MYO1B: variants seen among roughly 807,000 people sequenced by gnomAD.
MYO1B encodes the protein myosin IB, also known as unconventional myosin-Ib.
A neutral mutation model predicts 159.7 loss-of-function variants in MYO1B; 72 were observed. The ratio of observed to expected loss-of-function variants is 0.45; its 90% CI spans 0.37 to 0.55. MYO1B has a LOEUF of 0.55. Ranked by LOEUF, MYO1B falls within the 20% of genes least tolerant of loss-of-function variation. The pLI is 0.00. For missense variants in MYO1B, 1,062 were observed against 1,364.8 expected (o/e 0.78, Z 3.50); for synonymous variants, 468 against 473.8 (o/e 0.99, Z 0.16).
At chr2:191,337,409 C>A (rs1574459318) in intron 4 of MYO1B, among the ~76,000 whole-genome samples, 2 of 152,154 alleles carry the variant, frequency 1.3e-5, no homozygotes, top group African/African-American at 4.8e-5. Context: ...AAAATCCTCA[C>A]ACATTTAAAC....
chr2:191,286,301 A>G (rs1266552159), intron 2 of MYO1B, among the ~76,000 whole-genome samples: 2 of 152,104 alleles, frequency 1.3e-5, no homozygotes, highest in East Asian at 3.9e-4. Flanking sequence ...AACTATGTCT[A>G]AAAAACAACC....
chr2:191,402,978 T>C (rs1348566243), intron 24 of MYO1B, among the ~76,000 whole-genome samples: 2 of 152,194 alleles, frequency 1.3e-5, no homozygotes, highest in Admixed American at 1.3e-4. Flanking sequence ...GTTATCAAAG[T>C]TCTAGTTTGT....
chr2:191,354,331 TG>T (rs1451270688), intron 7 of MYO1B, among the ~76,000 whole-genome samples: 2 of 150,976 alleles, frequency 1.3e-5, no homozygotes, highest in Non-Finnish European at 1.5e-5. Context: ...GTTGAATGAA[TG>T]AATGATCACA....
At chr2:191,280,243 A>G (rs1361092643) in intron 2 of MYO1B, among the ~76,000 whole-genome samples, 1 of 152,222 alleles carries the variant, frequency 6.6e-6, no homozygotes, top group Non-Finnish European at 1.5e-5. Context: ...GGATAGAGCA[A>G]GGCATTCTGG....
chr2:191,326,770 ATGTG>A (rs35184577), intron 3 of MYO1B, among the ~76,000 whole-genome samples: 7,439 of 137,050 alleles, frequency 0.054, 225 homozygotes, highest in South Asian at 0.094. Context: ...GTTTGTATAT[ATGTG>A]TGTGTGTGTG....
Position 191,411,879 on chromosome 2 carries a change from A to C in MYO1B, c.2873+707A>C, listed in dbSNP as rs1372268898. Among the ~76,000 whole-genome samples the C allele has an allele frequency of 2.6e-5, 4 of 152,340 alleles. 1 individual carries two copies. The South Asian group carries it at 8.3e-4, about 32-fold the overall frequency. On this transcript the variant is annotated intron_variant, in intron 27 of 30. Transcript: ENST00000392318. ...AATCCCATTTTCATCTGGTGTTTATAAAAAAGTAGATTGTACAATTTCAAG... is the reference window on the plus strand; with the variant it reads ...AATCCCATTTTCATCTGGTGTTTATCAAAAAGTAGATTGTACAATTTCAAG...
intron 1 of MYO1B, among the ~76,000 whole-genome samples, chr2:191,250,691 T>A (rs1686056866): frequency 6.6e-6 from 1 of 152,226 alleles, no homozygotes; most frequent in South Asian, 2.1e-4. Context: ...TTCTGTAGGT[T>A]GATTTCCTTC....
intron 30 of MYO1B, among the ~76,000 whole-genome samples, chr2:191,418,058 A>G (rs1377321931): frequency 1.3e-5 from 2 of 152,242 alleles, no homozygotes; most frequent in African/African-American, 2.4e-5. Flanking sequence ...AACATTGGGT[A>G]GCATTATAAT....
chr2:191,265,498 A>G (rs1044936010), intron 1 of MYO1B, among the ~76,000 whole-genome samples: 1 of 152,148 alleles, frequency 6.6e-6, no homozygotes, highest in Non-Finnish European at 1.5e-5. Flanking sequence ...AAGCTGATTC[A>G]TTTGGAAGGG....
intron 11 of MYO1B, among the ~76,000 whole-genome samples, chr2:191,368,680 T>C (rs961677469): frequency 1.3e-5 from 2 of 152,142 alleles, no homozygotes; most frequent in African/African-American, 4.8e-5. Context: ...AATACTCAAG[T>C]GATTAGTGTG....
At chr2:191,327,843 G>A (rs987621088) in intron 3 of MYO1B, among the ~76,000 whole-genome samples, 5 of 152,132 alleles carry the variant, frequency 3.3e-5, no homozygotes, top group East Asian at 1.9e-4. Context: ...TCTGTCTGTC[G>A]TTTTATTCAT....
chr2:191,254,234 C>T (rs984374173), intron 1 of MYO1B, among the ~76,000 whole-genome samples: 1 of 152,040 alleles, frequency 6.6e-6, no homozygotes, highest in Non-Finnish European at 1.5e-5. Flanking sequence ...TTTTTTGAGA[C>T]AGAGTTTCGC....
intron 21 of MYO1B, among the ~76,000 whole-genome samples, chr2:191,397,088 T>G (rs1001830544): frequency 6.6e-6 from 1 of 150,790 alleles, no homozygotes; most frequent in Non-Finnish European, 1.5e-5. Context: ...GTTTTTATAT[T>G]TTTAACCGTT....
At chr2:191,312,505 CAT>C (rs1690067752) in intron 3 of MYO1B, among the ~76,000 whole-genome samples, 2 of 152,176 alleles carry the variant, frequency 1.3e-5, no homozygotes, top group Admixed American at 1.3e-4. Flanking sequence ...TTTTATTAAT[CAT>C]ATGACTTTTA....
intron 3 of MYO1B, among the ~76,000 whole-genome samples, chr2:191,312,016 T>G (rs1271072188): frequency 6.6e-6 from 1 of 152,274 alleles, no homozygotes; most frequent in Non-Finnish European, 1.5e-5. Context: ...ATGTCATACT[T>G]TGTCTTACAG....
intron 3 of MYO1B, among the ~76,000 whole-genome samples, chr2:191,300,639 C>CTT (rs1233709923): frequency 2.1e-4 from 14 of 66,912 alleles, no homozygotes; most frequent in African/African-American, 2.6e-4. Context: ...TGTGCGCAGC[C>CTT]TTTTTTTTTT....
At chr2:191,255,217 C>T (rs1261587353) in intron 1 of MYO1B, among the ~76,000 whole-genome samples, 1 of 152,192 alleles carries the variant, frequency 6.6e-6, no homozygotes, top group Non-Finnish European at 1.5e-5. Context: ...GTATGAGGCA[C>T]TACACCCATC....
At position 191,393,272 on chromosome 2, in the gene MYO1B, A is replaced by C. The variant is rs542699499; in HGVS notation, c.2226+50A>C. 6.9e-6 allele frequency: 11 copies of C among 1,594,982 alleles called. No individual in the cohort carries two copies. The African/African-American group carries it at 1.3e-4, about 19-fold the overall frequency. On this transcript the variant is annotated intron_variant, in intron 20 of 30. Coordinates refer to ENST00000392318, the MANE Select transcript of MYO1B (RefSeq NM_001130158.3). Reference sequence around the variant, plus strand: ...CAGTAATAACAATGCTAATTTGCCAACATTTATTATGTACTTACCATGTAT... The same window carrying C: ...CAGTAATAACAATGCTAATTTGCCACCATTTATTATGTACTTACCATGTAT...
At chr2:191,266,630 G>A (rs550640169) in intron 1 of MYO1B, among the ~76,000 whole-genome samples, 3 of 152,238 alleles carry the variant, frequency 2.0e-5, no homozygotes, top group East Asian at 1.9e-4. Flanking sequence ...CTTCATCCTC[G>A]CCCTGGCTCT....
Sources: gnomAD v4.1 joint callset for allele counts (sites outside exome capture counted in the v4.1 genomes callset) on GRCh38, gnomAD v4.1.1 for gene constraint, MANE v1.5 for transcripts, NCBI Gene and HGNC (gene_info 2026-07-23, HGNC 2026-07-21) for gene names.